FAAP100: variants seen among roughly 807,000 people sequenced by gnomAD.
FAAP100 encodes the protein Fanconi anemia core complex-associated protein 100.
In FAAP100, 46 loss-of-function variants were observed where a neutral mutation model predicts 65.8. That is an observed-to-expected ratio of 0.70 (90% CI 0.55 to 0.89). FAAP100 has a LOEUF of 0.89. Among genes scored for constraint, FAAP100 ranks in the 40% least tolerant of loss-of-function variants. The probability of loss-of-function intolerance (pLI) is 0.00; values close to 1 mark genes in which losing one functional copy is unlikely to be tolerated. For missense variants in FAAP100, 1,165 were observed against 1,196.7 expected (o/e 0.97, Z 0.39); for synonymous variants, 663 against 555.1 (o/e 1.19, Z -2.73).
At chr17:81,543,194 C>A (rs542244661) in intron 7 of FAAP100, among the ~76,000 whole-genome samples, 1 of 152,210 alleles carries the variant, frequency 6.6e-6, no homozygotes, top group African/African-American at 2.4e-5. Context: ...GCCTGGTCTC[C>A]AAGCATTACC....
At position 81,546,970 on chromosome 17, in the gene FAAP100, A is replaced by G. The variant is rs941791811; in HGVS notation, c.2112T>C (p.Ser704=). ...CCGCCGACACCTTGATGGAAGCCAC[A>G]GATGGGGGCAGGTACTCGGCCCGCA... The part of the protein sequence containing the change: ...ASLRAEYLPP[S]VASIKVSAEL... Residue 704 remains serine (S), a synonymous_variant, in exon 5 of 9, where the codon TCT becomes TCC. Coordinates refer to ENST00000327787, the MANE Select transcript of FAAP100 (RefSeq NM_025161.6). 8.1e-6 allele frequency: 12 copies of G among 1,476,914 alleles called. No individual in the cohort carries two copies. Among genetic ancestry groups the G allele is most frequent in the Non-Finnish European group, 9.9e-6 (11 of 1,112,258 alleles). 91.5% of individuals were successfully genotyped at this position (1,476,914 alleles called of 1,614,324 possible).
rs2033349494 is a variant in FAAP100, at chr17:81,547,436, G to A, written c.1646C>T (p.Thr549Ile). 4 of 1,613,014 alleles carry A rather than the reference G, an allele frequency of 2.5e-6. No homozygotes were observed. The highest frequency in any genetic ancestry group is 3.4e-6 in the Non-Finnish European group (4 of 1,180,028). ...QGWTLCIQVLTSSCALDLDSA... is the reference protein window; with the variant it reads ...QGWTLCIQVLISSCALDLDSA... ...GTCCAGGTCGAGAGCACAGGAGCTG[G>A]TGAGCACCTGGATGCACAGGGTCCA... Residue 549 changes from threonine to isoleucine, a missense_variant, in exon 5 of 9, where the codon ACC becomes ATC. Transcript: ENST00000327787.
Position 81,540,063 on chromosome 17 carries a change from G to C in FAAP100, c.*756C>G, listed in dbSNP as rs113868702. The C allele has an allele frequency of 0.014, 4,982 of 365,838 alleles. 195 individuals are homozygous for C. Among genetic ancestry groups the C allele is most frequent in the African/African-American group, 0.1 (4,367 of 43,026 alleles). 22.7% of individuals were successfully genotyped at this position (365,838 alleles called of 1,614,324 possible). A position where few individuals can be genotyped will look rare whatever the true frequency, so the allele number is the denominator to read the frequency against. ...GGCTGAGGGAGGAGGCTGGGGGCTGGGGCTCAGGGCCCCCCCCCGGGCCAC... is the reference window on the plus strand; with the variant it reads ...GGCTGAGGGAGGAGGCTGGGGGCTGCGGCTCAGGGCCCCCCCCCGGGCCAC... On this transcript the variant is annotated 3_prime_UTR_variant, in exon 9 of 9. Transcript: ENST00000327787.
Position 81,540,585 on chromosome 17 carries a change from G to A in FAAP100, c.*234C>T, listed in dbSNP as rs1355858751. 1.8e-5 allele frequency: 9 copies of A among 501,036 alleles called. No homozygotes were observed. Among genetic ancestry groups the A allele is most frequent in the East Asian group, 1.6e-4 (5 of 30,740 alleles). 31.0% of individuals were successfully genotyped at this position (501,036 alleles called of 1,614,324 possible). ...AGAAGGAGAGACACCAGCAGAGGAC[G>A]CGAAGCTGGACCGGCCAGGTTCAGA... On this transcript the variant is annotated 3_prime_UTR_variant, in exon 9 of 9. Coordinates refer to ENST00000327787, the MANE Select transcript of FAAP100 (RefSeq NM_025161.6).
At chr17:81,549,072 AAG>A in intron 4 of FAAP100, 132 bp downstream of exon 4, 13 of 578,068 alleles carry the variant, frequency 2.2e-5, no homozygotes, top group South Asian at 6.7e-5. Flanking sequence ...AAAAAAAAAA[AAG>A]AGGCCAAGTA....
In FAAP100 at chr17:81,541,340, T is replaced by C. The variant is rs368599372; in HGVS notation, c.2483A>G (p.Gln828Arg). 66 of 1,611,788 alleles carry C rather than the reference T, an allele frequency of 4.1e-5. No individual in the cohort carries two copies. Among genetic ancestry groups the C allele is most frequent in the Admixed American group, 6.7e-5 (4 of 59,990 alleles). ...QGSSAPDLRV[Q>R]YLRQIHANHE... is the part of the protein sequence containing the mutation. ...GTTGGCGTGGATCTGGCGGAGGTAC[T>C]GCACACGGAGATCAGGAGCGCTGGA... The change falls in exon 8 of 9, where the codon CAG (glutamine) becomes CGG (arginine). Residue 828 changes from glutamine (Q) to arginine (R), a missense_variant. Gln to Arg is a conservative substitution (Grantham distance 43). Coordinates refer to ENST00000327787, the MANE Select transcript of FAAP100 (RefSeq NM_025161.6).
rs143758929 is a variant in FAAP100 at position 81,549,149 on chromosome 17, G to A, written c.1403+57C>T. On this transcript the variant is annotated intron_variant, in intron 4 of 8. Transcript: ENST00000327787. ...ACCCAGGACGACCCCACACAGGGAC[G>A]CTACCTCCCAAGGATGGCAGCGCCA... 2.2e-3 allele frequency: 3,473 copies of A among 1,558,976 alleles called. 7 individuals carry two copies. Among genetic ancestry groups the A allele is most frequent in the Admixed American group, 8.1e-3 (456 of 56,296 alleles).
Position 81,551,166 on chromosome 17 carries a change from C to A in FAAP100, c.328G>T (p.Asp110Tyr). The change falls in exon 3 of 9, where the codon GAC becomes TAC. Residue 110 changes from aspartate to tyrosine, a missense_variant. By Grantham distance (160) the Asp-to-Tyr change is radical. Transcript: ENST00000327787. ...SQDDRDSEDG[D>Y]QPSPVIPVDP... ...ACAGGGATCACGGGGGAAGGCTGGT[C>A]ACCGTCCTCGCTGTCCCTGTCATCC... The A allele has an allele frequency of 6.5e-7, 1 of 1,539,912 alleles. No homozygotes were observed. Among genetic ancestry groups the A allele is most frequent in the Non-Finnish European group, 8.8e-7 (1 of 1,139,540 alleles).
intron 4 of FAAP100, 84 bp from the exon 5 acceptor site, chr17:81,547,762 C>A: frequency 6.7e-7 from 1 of 1,493,442 alleles, no homozygotes; most frequent in South Asian, 1.1e-5. Context: ...CTGGTAGGCA[C>A]CGAGCCTGGC....
intron 4 of FAAP100, 149 bp from the exon 5 acceptor site, chr17:81,547,827 C>G: frequency 9.9e-7 from 1 of 1,007,964 alleles, no homozygotes; most frequent in Middle Eastern, 2.0e-4. Flanking sequence ...AGCCCCCGCC[C>G]CAGGGGCATG....
chr17:81,545,333 A>G (rs1054989289), intron 6 of FAAP100, among the ~76,000 whole-genome samples: 3 of 152,248 alleles, frequency 2.0e-5, no homozygotes, highest in African/African-American at 4.8e-5. Flanking sequence ...AAAGGTGTGC[A>G]CGACAGGGGC....
At chr17:81,541,095 C>T (rs2033077628) in intron 8 of FAAP100, 145 bp from the exon 9 acceptor site, 1 of 1,216,860 alleles carries the variant, frequency 8.2e-7, no homozygotes. Flanking sequence ...AACCTTAAAA[C>T]ATGGGACACG....
In FAAP100 at chr17:81,550,885, T is replaced by C. The variant is rs376130487; in HGVS notation, c.609A>G (p.Ser203=). The C allele has an allele frequency of 1.1e-5, 18 of 1,612,380 alleles. No homozygotes were observed. Among genetic ancestry groups the C allele is most frequent in the African/African-American group, 2.7e-5 (2 of 74,932 alleles). ...FLPVLCSVSP[S]GSRVPHDLLG... Reference sequence around the variant, plus strand: ...GGAGGTCGTGCGGGACCCTGGAGCCTGATGGTGACACAGAGCACAGCACTG... The same window carrying C: ...GGAGGTCGTGCGGGACCCTGGAGCCCGATGGTGACACAGAGCACAGCACTG... Residue 203 remains serine (S), a synonymous_variant, in exon 3 of 9, where the codon TCA becomes TCG. Transcript: ENST00000327787.
At chr17:81,543,528 T>C (rs535958565) in intron 7 of FAAP100, among the ~76,000 whole-genome samples, 7 of 152,210 alleles carry the variant, frequency 4.6e-5, no homozygotes, top group African/African-American at 1.7e-4. Flanking sequence ...GAAGCAGCTA[T>C]TCCTGTGCCA....
chr17:81,551,595 G>T (rs1021630295), intron 2 of FAAP100: 4 of 965,026 alleles, frequency 4.1e-6, no homozygotes, highest in Non-Finnish European at 4.1e-6. Context: ...TCGGGGTCAC[G>T]GTGCCTTTGC....
chr17:81,548,030 AC>A (rs1346526914), intron 4 of FAAP100: 4 of 690,074 alleles, frequency 5.8e-6, no homozygotes, highest in Non-Finnish European at 8.0e-6. Flanking sequence ...GTGGTGCATT[AC>A]CCCACCCTTG....
chr17:81,549,323 A>G lies in FAAP100; in HGVS notation c.1286T>C (p.Leu429Pro). The G allele has an allele frequency of 6.2e-7, 1 of 1,612,334 alleles. No individual in the cohort carries two copies. The highest frequency in any genetic ancestry group is 8.5e-7 in the Non-Finnish European group (1 of 1,179,614). The stretch of plus-strand genomic sequence containing the variant: ...GTCCAGGTCCAGGCTGCAGGTCATC[A>G]GGCGGCCTTTGGCGGACAGGGCCAG... ...KLLALSAKGR[L>P]MTCSLDLDSE... The change falls in exon 4 of 9, where the codon CTG (leucine) becomes CCG (proline). Residue 429 changes from leucine (L) to proline (P), a missense_variant. Leu to Pro is a moderately conservative substitution (Grantham distance 98). Coordinates refer to ENST00000327787, the MANE Select transcript of FAAP100 (RefSeq NM_025161.6).
At chr17:81,552,651 C>G (rs1005079468), upstream of FAAP100, among the ~76,000 whole-genome samples, 1 of 152,212 alleles carries the variant, frequency 6.6e-6, no homozygotes, top group Non-Finnish European at 1.5e-5. Flanking sequence ...GAAGCGGGTC[C>G]TGGCCGAGCA....
In FAAP100 at chr17:81,546,866, A is replaced by G. The variant is rs80282500; in HGVS notation, c.2173+43T>C. The G allele has an allele frequency of 6.2e-4, 828 of 1,339,964 alleles. 1 individual carries two copies. Among genetic ancestry groups the G allele is most frequent in the Middle Eastern group, 1.2e-3 (6 of 5,012 alleles). 83.0% of individuals were successfully genotyped at this position (1,339,964 alleles called of 1,614,324 possible). A position where few individuals can be genotyped will look rare whatever the true frequency, so the allele number is the denominator to read the frequency against. On this transcript the variant is annotated intron_variant, in intron 5 of 8. Transcript: ENST00000327787. ...AAGTTCCTGTCTCTTAAAAAAAAAA[A>G]AAAAATCCCCAAGGCTGAGCAAAGC... is the stretch of plus-strand genomic sequence containing the variant.
Sources: allele counts gnomAD v4.1 joint callset (sites outside exome capture counted in the v4.1 genomes callset), GRCh38; gene constraint gnomAD v4.1.1; transcripts MANE v1.5; gene names NCBI Gene and HGNC (gene_info 2026-07-23, HGNC 2026-07-21).